NGEF: variants seen among roughly 807,000 people sequenced by gnomAD.
NGEF encodes the protein neuronal guanine nucleotide exchange factor.
Under a neutral mutation model 80.9 loss-of-function variants are expected in NGEF, and 31 were observed. That is an observed-to-expected ratio of 0.38 (90% CI 0.29 to 0.52). The LOEUF (loss-of-function observed/expected upper bound fraction) is 0.52. Ranked by LOEUF, NGEF falls within the 20% of genes least tolerant of loss-of-function variation. NGEF has a pLI of 0.84. For missense variants in NGEF, 709 were observed against 926.2 expected (o/e 0.77, Z 3.04); for synonymous variants, 371 against 370.2 (o/e 1.00, Z -0.03).
chr2:232,990,315 A>G (rs547876789), intron 1 of NGEF, among the ~76,000 whole-genome samples: 1 of 152,282 alleles, frequency 6.6e-6, no homozygotes, highest in East Asian at 1.9e-4. Flanking sequence ...GGATAATTGT[A>G]TTAATAAATA....
chr2:232,987,121 A>G (rs918591579), intron 1 of NGEF, among the ~76,000 whole-genome samples: 1 of 151,926 alleles, frequency 6.6e-6, no homozygotes, highest in Non-Finnish European at 1.5e-5. Context: ...GGTTCAAGTG[A>G]TTTTCCTGCC....
intron 3 of NGEF, among the ~76,000 whole-genome samples, chr2:232,942,850 T>C (rs1365444774): frequency 1.4e-5 from 2 of 140,448 alleles, no homozygotes; most frequent in East Asian, 4.0e-4. Flanking sequence ...TGAGCTCAAG[T>C]AGTACCATTA....
chr2:232,894,654 A>C, intron 6 of NGEF, 102 bp downstream of exon 6: 1 of 1,112,942 alleles, frequency 9.0e-7, no homozygotes, highest in East Asian at 2.4e-5. Flanking sequence ...AACATCTGGA[A>C]GTAGAGAAGC....
intron 1 of NGEF, among the ~76,000 whole-genome samples, chr2:232,979,893 T>G (rs571955932): frequency 6.6e-6 from 1 of 152,156 alleles, no homozygotes; most frequent in African/African-American, 2.4e-5. Flanking sequence ...ACGGATGAGT[T>G]ACCTTAGCCA....
At chr2:232,882,656 CA>C (rs1691542118) in intron 12 of NGEF, among the ~76,000 whole-genome samples, 1 of 152,242 alleles carries the variant, frequency 6.6e-6, no homozygotes, top group African/African-American at 2.4e-5. Flanking sequence ...GCTGCAGCCC[CA>C]GGTCTGGGCA....
chr2:232,959,572 C>G (rs1361957465), intron 3 of NGEF, among the ~76,000 whole-genome samples: 3 of 139,922 alleles, frequency 2.1e-5, no homozygotes, highest in Non-Finnish European at 4.6e-5. Context: ...GATTCCACAG[C>G]AATGACCTTT....
intron 3 of NGEF, among the ~76,000 whole-genome samples, chr2:232,968,699 C>T (rs1694119139): frequency 6.6e-6 from 1 of 152,256 alleles, no homozygotes; most frequent in Non-Finnish European, 1.5e-5. Flanking sequence ...GCCACTGCGC[C>T]TGGCCCAGAC....
At chr2:232,919,826 C>T (rs1692894894) in intron 5 of NGEF, among the ~76,000 whole-genome samples, 1 of 152,094 alleles carries the variant, frequency 6.6e-6, no homozygotes, top group Non-Finnish European at 1.5e-5. Context: ...CCTTCAGAGA[C>T]CCCATTCATC....
chr2:232,906,380 G>A (rs1193719902), intron 5 of NGEF, among the ~76,000 whole-genome samples: 3 of 139,628 alleles, frequency 2.1e-5, no homozygotes, highest in Admixed American at 7.0e-5. Flanking sequence ...CAGCCGCCCC[G>A]TCCGGGAGGG....
At chr2:232,881,122 C>A in intron 14 of NGEF, 24 bp downstream of exon 14, 1 of 1,604,004 alleles carries the variant, frequency 6.2e-7, no homozygotes, top group Non-Finnish European at 8.5e-7. Context: ...CTGGGGGCCC[C>A]GAGGGGAGGT....
At chr2:232,915,890 CATGTTGACCAGGCTGGTCTCGA>C (rs1692792264) in intron 5 of NGEF, among the ~76,000 whole-genome samples, 1 of 152,138 alleles carries the variant, frequency 6.6e-6, no homozygotes, top group Non-Finnish European at 1.5e-5. Flanking sequence ...GGGGTTTCAC[CATGTTGACCAGGCTGGTCTCGA>C]ACTCCCGACC....
chr2:232,952,017 G>T (rs893440671), intron 3 of NGEF, among the ~76,000 whole-genome samples: 8 of 152,188 alleles, frequency 5.3e-5, no homozygotes, highest in Non-Finnish European at 7.3e-5. Flanking sequence ...CCCTAGGAAG[G>T]CGTGGTGTGG....
chr2:232,931,854 A>G (rs1269423786), intron 3 of NGEF, among the ~76,000 whole-genome samples: 1 of 152,168 alleles, frequency 6.6e-6, no homozygotes, highest in African/African-American at 2.4e-5. Context: ...CTATTCAGAA[A>G]TCGTCTGGCT....
chr2:232,886,306 G>A (rs1168767943), intron 9 of NGEF, among the ~76,000 whole-genome samples: 1 of 151,848 alleles, frequency 6.6e-6, no homozygotes, highest in East Asian at 1.9e-4. Context: ...TGTGTACTGT[G>A]TGTGGTATGT....
intron 1 of NGEF, among the ~76,000 whole-genome samples, chr2:232,993,222 ACACAC>A (rs1694708984): frequency 2.9e-5 from 2 of 69,026 alleles, no homozygotes; most frequent in African/African-American, 1.2e-4. Flanking sequence ...CCGTATAGAT[ACACAC>A]ATATATATGT....
chr2:233,013,094 G>A lies in NGEF; in HGVS notation c.-101C>T, dbSNP rs1291227682. The A allele has an allele frequency of 2.1e-6, 1 of 470,964 alleles. No homozygotes were observed. The highest frequency in any genetic ancestry group is 6.9e-5 in the East Asian group (1 of 14,406). 29.2% of individuals were successfully genotyped at this position (470,964 alleles called of 1,614,324 possible). The stretch of plus-strand genomic sequence containing the variant: ...TGCCAGAGAGGAGCTCATAGGAGTT[G>A]GGCTTCCTCAGAGAGTGTTCCTCCC... On this transcript the variant is annotated 5_prime_UTR_variant, in exon 1 of 15. Transcript: ENST00000264051.
chr2:232,998,331 G>A (rs575850968), intron 1 of NGEF, among the ~76,000 whole-genome samples: 1 of 152,248 alleles, frequency 6.6e-6, no homozygotes, highest in Admixed American at 6.5e-5. Flanking sequence ...TTCAAACCAG[G>A]CTCTTCCAGG....
chr2:232,917,466 ACTTTT>A (rs991366987), intron 5 of NGEF, among the ~76,000 whole-genome samples: 2 of 145,430 alleles, frequency 1.4e-5, no homozygotes, highest in African/African-American at 5.2e-5. Context: ...TAATTGTAAA[ACTTTT>A]CTTTTTTTTT....
chr2:232,941,358 T>A (rs1693433896), intron 3 of NGEF, among the ~76,000 whole-genome samples: 1 of 152,186 alleles, frequency 6.6e-6, no homozygotes, highest in South Asian at 2.1e-4. Flanking sequence ...ATGTTAGTGC[T>A]GCAAAGGCAG....
Sources: allele counts gnomAD v4.1 joint callset (sites outside exome capture counted in the v4.1 genomes callset), GRCh38; gene constraint gnomAD v4.1.1; transcripts MANE v1.5; gene names NCBI Gene and HGNC (gene_info 2026-07-23, HGNC 2026-07-21).